The following ASTN1 variants were observed in gnomAD, a reference collection of about 807,000 sequenced individuals.
The protein encoded by ASTN1 is astrotactin 1.
Under a neutral mutation model 140.7 loss-of-function variants are expected in ASTN1, and 41 were observed. The ratio of observed to expected loss-of-function variants is 0.29; its 90% CI spans 0.23 to 0.38. ASTN1 has a LOEUF of 0.38. Ranked by LOEUF, ASTN1 falls within the 10% of genes least tolerant of loss-of-function variation. ASTN1 has a pLI of 1.00. For synonymous variants in ASTN1, 640 were observed against 652.2 expected (o/e 0.98, Z 0.29); for missense variants, 1,479 against 1,678.8 (o/e 0.88, Z 2.08).
chr1:177,027,168 C>A (rs1676159626), intron 5 of ASTN1, among the ~76,000 whole-genome samples: 2 of 152,152 alleles, frequency 1.3e-5, no homozygotes, highest in African/African-American at 4.8e-5. Flanking sequence ...CTGGTATACA[C>A]CTACTCTTCA....
At chr1:176,898,479 A>G (rs1183880768) in intron 16 of ASTN1, among the ~76,000 whole-genome samples, 2 of 152,180 alleles carry the variant, frequency 1.3e-5, no homozygotes. Context: ...TGCATTTCCT[A>G]TGTTCAGTTA....
chr1:176,936,070 T>A (rs1202660949), intron 15 of ASTN1, 196 bp downstream of exon 15: 1 of 660,392 alleles, frequency 1.5e-6, no homozygotes, highest in Non-Finnish European at 2.8e-6. Context: ...ACACATGCAA[T>A]GTAATCTCTA....
At chr1:177,115,058 G>A (rs1173090238) in intron 1 of ASTN1, among the ~76,000 whole-genome samples, 1 of 152,012 alleles carries the variant, frequency 6.6e-6, no homozygotes, top group Non-Finnish European at 1.5e-5. Context: ...GGGGGTAGGG[G>A]ACCAAGAAAA....
chr1:177,008,416 G>A (rs917892941), intron 8 of ASTN1, among the ~76,000 whole-genome samples: 1 of 148,892 alleles, frequency 6.7e-6, no homozygotes, highest in Non-Finnish European at 1.5e-5. Context: ...AGGAGAGGAA[G>A]GGGGGGTGGA....
At chr1:176,860,605 C>T (rs1667931162), downstream of ASTN1, among the ~76,000 whole-genome samples, 1 of 151,398 alleles carries the variant, frequency 6.6e-6, no homozygotes, top group Non-Finnish European at 1.5e-5. Flanking sequence ...GGGCCTTTTG[C>T]AACATTTTTC....
At chr1:177,066,229 C>T (rs1678345636) in intron 1 of ASTN1, among the ~76,000 whole-genome samples, 2 of 152,122 alleles carry the variant, frequency 1.3e-5, no homozygotes, top group Admixed American at 1.3e-4. Flanking sequence ...CTTCCAGAGC[C>T]AGGCCATGTT....
intron 1 of ASTN1, among the ~76,000 whole-genome samples, chr1:177,113,935 C>G (rs939021373): frequency 6.6e-6 from 1 of 152,170 alleles, no homozygotes; most frequent in African/African-American, 2.4e-5. Flanking sequence ...AATAGTAAAA[C>G]TGGCTCATAA....
At chr1:176,985,845 T>TACACACACACACACACAC (rs60769752) in intron 8 of ASTN1, among the ~76,000 whole-genome samples, 1 of 129,668 alleles carries the variant, frequency 7.7e-6, no homozygotes, top group Non-Finnish European at 1.6e-5. Context: ...TCTCTCTCTC[T>TACACACACACACACACAC]ACACACACAC....
intron 2 of ASTN1, among the ~76,000 whole-genome samples, chr1:177,060,214 A>G (rs1383528786): frequency 6.6e-6 from 1 of 152,122 alleles, no homozygotes; most frequent in Non-Finnish European, 1.5e-5. Context: ...GTTAGAAAAA[A>G]CCTTCCAACT....
chr1:177,064,733 C>T (rs1173100461), intron 1 of ASTN1, among the ~76,000 whole-genome samples: 1 of 152,204 alleles, frequency 6.6e-6, no homozygotes, highest in Non-Finnish European at 1.5e-5. Flanking sequence ...CAAGGGTGCC[C>T]ATCATTTTTC....
chr1:177,125,224 G>A (rs758157069), intron 1 of ASTN1, among the ~76,000 whole-genome samples: 1 of 152,238 alleles, frequency 6.6e-6, no homozygotes, highest in Non-Finnish European at 1.5e-5. Flanking sequence ...GAATTTGCCT[G>A]AGTCTTTTGG....
intron 16 of ASTN1, among the ~76,000 whole-genome samples, chr1:176,931,778 C>G (rs1484808572): frequency 6.6e-6 from 1 of 152,212 alleles, no homozygotes; most frequent in Non-Finnish European, 1.5e-5. Context: ...AAAGCAACAG[C>G]AACAGCAAAC....
intron 13 of ASTN1, 137 bp from the exon 14 acceptor site, chr1:176,944,155 G>T (rs940820054): frequency 7.9e-6 from 9 of 1,141,480 alleles, no homozygotes; most frequent in Non-Finnish European, 9.9e-6. Context: ...TCAGCTCACC[G>T]CAACCTCTGC....
At chr1:177,048,700 G>C (rs188892456) in intron 2 of ASTN1, among the ~76,000 whole-genome samples, 1 of 152,134 alleles carries the variant, frequency 6.6e-6, no homozygotes, top group African/African-American at 2.4e-5. Flanking sequence ...TCCCTAATGT[G>C]GGGGAGCCAC....
intron 17 of ASTN1, among the ~76,000 whole-genome samples, chr1:176,889,524 C>G (rs1669178750): frequency 6.6e-6 from 1 of 152,138 alleles, no homozygotes; most frequent in Non-Finnish European, 1.5e-5. Context: ...GGAGATAACT[C>G]TCCAAAAATC....
chr1:177,078,777 A>G (rs1679041831), intron 1 of ASTN1, among the ~76,000 whole-genome samples: 1 of 152,160 alleles, frequency 6.6e-6, no homozygotes, highest in African/African-American at 2.4e-5. Context: ...GAAAGGACAT[A>G]CATTCTTTTT....
At chr1:176,954,225 A>T (rs1170050379) in intron 11 of ASTN1, among the ~76,000 whole-genome samples, 1 of 152,148 alleles carries the variant, frequency 6.6e-6, no homozygotes, top group Non-Finnish European at 1.5e-5. Flanking sequence ...TGAAATGGAG[A>T]CATTATCCTG....
At chr1:177,053,204 G>A (rs1485611704) in intron 2 of ASTN1, among the ~76,000 whole-genome samples, 1 of 152,212 alleles carries the variant, frequency 6.6e-6, no homozygotes, top group Non-Finnish European at 1.5e-5. Flanking sequence ...TTCTGAAACT[G>A]AGTAGTTGAA....
At chr1:176,917,775 C>A (rs1025565488) in intron 16 of ASTN1, among the ~76,000 whole-genome samples, 1 of 152,136 alleles carries the variant, frequency 6.6e-6, no homozygotes, top group Admixed American at 6.5e-5. Context: ...AGCACACTCA[C>A]CTTGGAGACA....
Sources: gnomAD v4.1 joint callset for allele counts (sites outside exome capture counted in the v4.1 genomes callset) on GRCh38, gnomAD v4.1.1 for gene constraint, MANE v1.5 for transcripts, NCBI Gene and HGNC (gene_info 2026-07-23, HGNC 2026-07-21) for gene names.